The following PRPF39 variants were observed in gnomAD, a reference collection of about 807,000 sequenced individuals.
PRPF39 encodes pre-mRNA-processing factor 39.
Under a neutral mutation model 82.1 loss-of-function variants are expected in PRPF39, and 27 were observed. The observed-to-expected ratio is 0.33, with a 90% CI of 0.24 to 0.45. The LOEUF (loss-of-function observed/expected upper bound fraction) is 0.45, where lower values mean the gene tolerates loss of function less well. Ranked by LOEUF, PRPF39 falls within the 20% of genes least tolerant of loss-of-function variation. The pLI is 1.00. For synonymous variants in PRPF39, 261 were observed against 256.4 expected (o/e 1.02, Z -0.17); for missense variants, 581 against 796.9 (o/e 0.73, Z 3.26).
At chr14:45,088,252 T>C in intron 1 of PRPF39, 1 of 165,200 alleles carries the variant, frequency 6.1e-6, no homozygotes, top group Non-Finnish European at 1.3e-5. Flanking sequence ...ACTGTGATGA[T>C]GGCATTTCTT....
At chr14:45,102,414 T>G in intron 4 of PRPF39, 115 bp from the exon 5 acceptor site, 1 of 830,684 alleles carries the variant, frequency 1.2e-6, no homozygotes, top group Non-Finnish European at 1.8e-6. Context: ...CCTACTTGCA[T>G]AGGAAGCAGT....
chr14:45,112,523 C>T (rs1884725029), intron 11 of PRPF39, 21 bp downstream of exon 11: 2 of 1,432,572 alleles, frequency 1.4e-6, no homozygotes, highest in Non-Finnish European at 9.1e-7. Flanking sequence ...AGTTATATTA[C>T]CTATTTGAAT....
chr14:45,096,963 C>T lies in PRPF39; in HGVS notation c.527C>T (p.Thr176Ile). 1 of 1,553,746 alleles carries T rather than the reference C, an allele frequency of 6.4e-7. No homozygotes were observed. Among genetic ancestry groups the T allele is most frequent in the East Asian group, 2.4e-5 (1 of 41,618 alleles). ...CATTATATAAACTTCTTAAAAGAAA[C>T]ATTGGACCCTGGTGATCCTGAGACA... ...WIHYINFLKE[T>I]LDPGDPETNN... Residue 176 changes from threonine to isoleucine, a missense_variant, in exon 4 of 14, where the codon ACA becomes ATA. Coordinates refer to ENST00000355765, the MANE Select transcript of PRPF39 (RefSeq NM_017922.4).
intron 10 of PRPF39, among the ~76,000 whole-genome samples, chr14:45,111,577 C>T (rs1296888481): frequency 6.6e-6 from 1 of 150,396 alleles, no homozygotes; most frequent in Non-Finnish European, 1.5e-5. Flanking sequence ...GATGATTTGC[C>T]TGCCTCGGCC....
Position 45,114,516 on chromosome 14 carries a change from A to C in PRPF39, c.1855A>C (p.Lys619Gln), listed in dbSNP as rs755058401. The C allele has an allele frequency of 8.2e-6, 13 of 1,582,786 alleles. No homozygotes were observed. The highest frequency in any genetic ancestry group is 2.0e-5 in the Admixed American group (1 of 49,932). ...TAGATCAGAAGAACCAGAGGAAAAG[A>C]AAGCACATACAGAAGATACAACTTC... is the stretch of plus-strand genomic sequence containing the variant. ...ENGSEEPEEKKAHTEDTTSSS... is the reference protein window; with the variant it reads ...ENGSEEPEEKQAHTEDTTSSS... Residue 619 changes from lysine to glutamine, a missense_variant, in exon 13 of 14, where the codon AAA (lysine) becomes CAA (glutamine). Coordinates refer to ENST00000355765, the MANE Select transcript of PRPF39 (RefSeq NM_017922.4).
intron 7 of PRPF39, among the ~76,000 whole-genome samples, chr14:45,108,971 T>G (rs1884621072): frequency 6.6e-6 from 1 of 152,170 alleles, no homozygotes; most frequent in African/African-American, 2.4e-5. Flanking sequence ...TCTTAGTATA[T>G]TCACAGATAT....
intron 5 of PRPF39, among the ~76,000 whole-genome samples, chr14:45,105,548 G>C (rs1884501902): frequency 7.0e-6 from 1 of 143,356 alleles, no homozygotes; most frequent in Non-Finnish European, 1.5e-5. Flanking sequence ...TTTTTTTGAG[G>C]TGAAATCTCG....
At chr14:45,114,775 A>G (rs1183737334) in intron 13 of PRPF39, 82 bp from the exon 14 acceptor site, 1 of 1,406,190 alleles carries the variant, frequency 7.1e-7, no homozygotes, top group Admixed American at 1.9e-5. Flanking sequence ...GTTTTCTTAA[A>G]CATAGCTGCT....
At chr14:45,098,798 G>A (rs949047008) in intron 4 of PRPF39, among the ~76,000 whole-genome samples, 6 of 152,162 alleles carry the variant, frequency 3.9e-5, no homozygotes, top group African/African-American at 1.4e-4. Context: ...ATGGTTCTAG[G>A]AGATGTCTTT....
chr14:45,105,178 C>G (rs1884488745), intron 5 of PRPF39, among the ~76,000 whole-genome samples: 1 of 152,112 alleles, frequency 6.6e-6, no homozygotes, highest in African/African-American at 2.4e-5. Flanking sequence ...ATACAAAAAA[C>G]TGCTGAAAAA....
chr14:45,111,368 T>A (rs1322278499), intron 10 of PRPF39, among the ~76,000 whole-genome samples: 1 of 151,964 alleles, frequency 6.6e-6, no homozygotes, highest in African/African-American at 2.4e-5. Flanking sequence ...TTTTTTTGAG[T>A]CTGTCGCCTA....
chr14:45,086,342 C>T (rs1197069871), intron 1 of PRPF39, among the ~76,000 whole-genome samples: 6 of 152,114 alleles, frequency 3.9e-5, no homozygotes, highest in African/African-American at 1.2e-4. Context: ...ACTTAATGTA[C>T]GTCATAATTA....
At chr14:45,108,549 T>G in intron 7 of PRPF39, 27 bp downstream of exon 7, 3 of 1,565,788 alleles carry the variant, frequency 1.9e-6, no homozygotes, top group Non-Finnish European at 2.6e-6. Flanking sequence ...TGTAATAGTC[T>G]TTAAAATACA....
intron 3 of PRPF39, 156 bp from the exon 4 acceptor site, chr14:45,096,731 C>T: frequency 6.5e-7 from 1 of 1,531,556 alleles, no homozygotes; most frequent in Non-Finnish European, 8.8e-7. Context: ...AGAACATTGC[C>T]ATGTTCTATC....
At chr14:45,098,834 T>C (rs1363495439) in intron 4 of PRPF39, among the ~76,000 whole-genome samples, 4 of 152,214 alleles carry the variant, frequency 2.6e-5, no homozygotes, top group African/African-American at 9.6e-5. Flanking sequence ...GAGTTTATTA[T>C]TAGATCTCAC....
intron 4 of PRPF39, among the ~76,000 whole-genome samples, chr14:45,100,422 T>A (rs1471386797): frequency 6.6e-6 from 1 of 152,206 alleles, no homozygotes; most frequent in African/African-American, 2.4e-5. Context: ...GCAGTTTGTT[T>A]AGAAAAGGAT....
At chr14:45,100,796 A>G (rs1884351460) in intron 4 of PRPF39, among the ~76,000 whole-genome samples, 1 of 152,112 alleles carries the variant, frequency 6.6e-6, no homozygotes, top group Admixed American at 6.5e-5. Context: ...CTTTTATCAT[A>G]TGGAGTTTTA....
chr14:45,100,080 A>G (rs1884326841), intron 4 of PRPF39, among the ~76,000 whole-genome samples: 1 of 152,154 alleles, frequency 6.6e-6, no homozygotes, highest in African/African-American at 2.4e-5. Flanking sequence ...ATACAAAAAA[A>G]TTAGCTGGGC....
At chr14:45,112,235 G>A in intron 10 of PRPF39, 83 bp from the exon 11 acceptor site, 4 of 1,157,918 alleles carry the variant, frequency 3.5e-6, no homozygotes, top group Non-Finnish European at 3.5e-6. Flanking sequence ...TTCAAATTGA[G>A]ACATAAAAAC....
Sources: allele counts gnomAD v4.1 joint callset (sites outside exome capture counted in the v4.1 genomes callset), GRCh38; gene constraint gnomAD v4.1.1; transcripts MANE v1.5; gene names NCBI Gene and HGNC (gene_info 2026-07-23, HGNC 2026-07-21).